The following THOP1 variants were observed in gnomAD, a reference collection of about 807,000 sequenced individuals.
THOP1 encodes the protein thimet oligopeptidase 1.
In THOP1, 49 loss-of-function variants were observed where a neutral mutation model predicts 71.8. That is an observed-to-expected ratio of 0.68 (90% CI 0.54 to 0.87). The LOEUF is 0.87. Ranked by LOEUF, THOP1 falls within the 40% of genes least tolerant of loss-of-function variation. The probability of loss-of-function intolerance (pLI) is 0.00; values close to 1 mark genes in which losing one functional copy is unlikely to be tolerated. For missense variants in THOP1, 843 were observed against 975.6 expected (o/e 0.86, Z 1.81); for synonymous variants, 426 against 421.5 (o/e 1.01, Z -0.13).
At chr19:2,812,638 G>A (rs1045990904) in intron 12 of THOP1, among the ~76,000 whole-genome samples, 8 of 152,216 alleles carry the variant, frequency 5.3e-5, no homozygotes, top group Admixed American at 1.3e-4. Context: ...TGCAGTCCGC[G>A]CAGGCTCCTG....
At chr19:2,812,105 A>G in intron 12 of THOP1, 3 of 1,375,038 alleles carry the variant, frequency 2.2e-6, no homozygotes, top group Non-Finnish European at 2.9e-6. Flanking sequence ...TCCTTCCGGG[A>G]TCTGCGTGAT....
chr19:2,811,620 C>T lies in THOP1; in HGVS notation c.1794C>T (p.Phe598=), dbSNP rs200952256. The change falls in exon 12 of 13, where the codon TTC becomes TTT. Residue 598 remains phenylalanine, a synonymous_variant. Coordinates refer to ENST00000307741, the MANE Select transcript of THOP1 (RefSeq NM_003249.5). ...CAGGAACCAACATGCCTGCAACCTT[C>T]GGCCATCTGGCAGGTGGCTACGACG... is the stretch of plus-strand genomic sequence containing the variant. ...ATPGTNMPAT[F]GHLAGGYDAQ... The T allele has an allele frequency of 2.4e-5, 38 of 1,613,052 alleles. No individual in the cohort carries two copies. In the Admixed American group the frequency reaches 4.0e-4, roughly 17 times the overall value.
At chr19:2,803,726 C>A (rs1916215818) in intron 5 of THOP1, among the ~76,000 whole-genome samples, 1 of 152,214 alleles carries the variant, frequency 6.6e-6, no homozygotes, top group African/African-American at 2.4e-5. Context: ...AATTGCCAGG[C>A]CCACGCTGGT....
At chr19:2,809,919 A>C in intron 9 of THOP1, 2 of 232,724 alleles carry the variant, frequency 8.6e-6, no homozygotes, top group Non-Finnish European at 1.7e-5. Flanking sequence ...CTTTTAGGGA[A>C]GGTTCCACAC....
In THOP1 at chr19:2,807,411, C is replaced by T. The variant is rs201370734; in HGVS notation, c.887-31C>T. 47 of 1,546,584 alleles carry T rather than the reference C, an allele frequency of 3.0e-5. 1 individual carries two copies. The highest frequency in any genetic ancestry group is 2.4e-4 in the Middle Eastern group (1 of 4,156). On this transcript the variant is annotated intron_variant, in intron 7 of 12. Transcript: ENST00000307741. ...CAGAGCCATGGAGGAGCCCGCGAGG[C>T]GAGAGGCCCACCTTTCTGCCCTCCC...
chr19:2,807,958 CAG>C (rs1916351742), intron 8 of THOP1, 150 bp downstream of exon 8: 3 of 982,354 alleles, frequency 3.1e-6, no homozygotes, highest in Non-Finnish European at 2.9e-6. Flanking sequence ...GGGCACACCA[CAG>C]GGGCCGAAAA....
At position 2,808,379 on chromosome 19, in the gene THOP1, C is replaced by T; in HGVS notation, c.1390C>T (p.Gln464Ter). 6.2e-7 allele frequency: 1 copy of T among 1,611,416 alleles called. No homozygotes were observed. The highest frequency in any genetic ancestry group is 8.5e-7 in the Non-Finnish European group (1 of 1,179,014). Residue 464 changes from glutamine to a stop codon, truncating the protein, a stop_gained, in exon 9 of 13, where the codon CAG becomes TAG. Coordinates refer to ENST00000307741, the MANE Select transcript of THOP1 (RefSeq NM_003249.5). LOFTEE classifies it high-confidence loss of function. ...KPTADAPSLL[Q>*]HDEVETYFHE... ...CACAGCCGACGCGCCCTCGCTGCTG[C>T]AGCATGACGAGGTGGAGACCTACTT...
At chr19:2,792,824 G>GT (rs34675623) in intron 2 of THOP1, among the ~76,000 whole-genome samples, 1 of 151,768 alleles carries the variant, frequency 6.6e-6, no homozygotes, top group Non-Finnish European at 1.5e-5. Context: ...TGGCTAATTT[G>GT]TTTTTTTAAA....
rs536050332 is a variant in THOP1 at position 2,804,257 on chromosome 19, G to A, written c.590-759G>A. The stretch of plus-strand genomic sequence containing the variant: ...CGCCCCCACTTCTCTTGAGGCTGTC[G>A]GGCAGGGGCCAGGTGGGAGGGTGTG... On this transcript the variant is annotated intron_variant, in intron 5 of 12. Coordinates refer to ENST00000307741, the MANE Select transcript of THOP1 (RefSeq NM_003249.5). The surrounding 1 kb of genome is among the most constrained non-coding windows in gnomAD (Gnocchi z 4.7). Among the ~76,000 whole-genome samples, 10 of 152,318 alleles carry A rather than the reference G, an allele frequency of 6.6e-5. No individual in the cohort carries two copies. In the South Asian group the frequency reaches 1.5e-3, roughly 22 times the overall value.
chr19:2,795,276 A>G (rs1228006176), intron 3 of THOP1, among the ~76,000 whole-genome samples: 1 of 152,174 alleles, frequency 6.6e-6, no homozygotes, highest in Non-Finnish European at 1.5e-5. Flanking sequence ...GTGCACTTTC[A>G]TTTCCTTTCC....
At position 2,813,088 on chromosome 19, in the gene THOP1, G is replaced by A. The variant is rs370348840; in HGVS notation, c.1909-27G>A. 6.4e-4 allele frequency: 1,012 copies of A among 1,589,620 alleles called. No homozygotes were observed. Among genetic ancestry groups the A allele is most frequent in the Non-Finnish European group, 8.3e-4 (962 of 1,165,326 alleles). ...TGCCTTCCTCCCTGGGTCCCCACCC[G>A]GCCACAGTGCCCTGTCTCCTCGGCA... is the stretch of plus-strand genomic sequence containing the variant. On this transcript the variant is annotated intron_variant, in intron 12 of 12. Transcript: ENST00000307741.
At chr19:2,808,734 C>T (rs1055480276) in intron 9 of THOP1, among the ~76,000 whole-genome samples, 1 of 152,218 alleles carries the variant, frequency 6.6e-6, no homozygotes, top group African/African-American at 2.4e-5. Context: ...CTCGAGGTCC[C>T]TCCTTGGCTT....
At chr19:2,788,384 A>G (rs1241843994) in intron 1 of THOP1, among the ~76,000 whole-genome samples, 1 of 152,196 alleles carries the variant, frequency 6.6e-6, no homozygotes, top group Non-Finnish European at 1.5e-5. Flanking sequence ...CCACTGTCCC[A>G]TCCCCTTCCT....
Position 2,810,418 on chromosome 19 carries a change from C to A in THOP1, c.1570C>A (p.His524Asn). ...EQEPLLRMSR[H>N]YRTGSAVPRE... ...GGAGCCGCTGCTGCGGATGTCGCGG[C>A]ACTACCGCACAGGCAGCGCCGTGCC... Residue 524 changes from histidine (H) to asparagine (N), a missense_variant, in exon 10 of 13, where the codon CAC becomes AAC. Physicochemically the swap from His to Asn is moderately conservative, Grantham distance 68. Coordinates refer to ENST00000307741, the MANE Select transcript of THOP1 (RefSeq NM_003249.5). 6.2e-7 allele frequency: 1 copy of A among 1,606,990 alleles called. No homozygotes were observed. The highest frequency in any genetic ancestry group is 1.7e-5 in the Admixed American group (1 of 59,174).
intron 1 of THOP1, among the ~76,000 whole-genome samples, chr19:2,788,829 C>G (rs1253851843): frequency 6.6e-6 from 1 of 152,112 alleles, no homozygotes; most frequent in Non-Finnish European, 1.5e-5. Context: ...GGTGCAATCT[C>G]AGTTCACTGC....
At chr19:2,799,537 C>T (rs1006198208) in intron 4 of THOP1, 152 bp from the exon 5 acceptor site, 2 of 612,800 alleles carry the variant, frequency 3.3e-6, no homozygotes, top group Non-Finnish European at 5.8e-6. Flanking sequence ...CTCCGCCTCC[C>T]GTCTCACTCT....
chr19:2,790,363 T>G, intron 1 of THOP1, 58 bp from the exon 2 acceptor site: 3 of 1,455,462 alleles, frequency 2.1e-6, no homozygotes, highest in Non-Finnish European at 2.7e-6. Flanking sequence ...CCTCCTGACT[T>G]TGACCCTAAC....
At chr19:2,812,345 G>T (rs1206398604) in intron 12 of THOP1, 1 of 1,532,838 alleles carries the variant, frequency 6.5e-7, no homozygotes, top group Non-Finnish European at 8.7e-7. Flanking sequence ...CCCTGCCTGG[G>T]TGCAACATTG....
intron 1 of THOP1, among the ~76,000 whole-genome samples, chr19:2,787,652 A>G (rs1480122831): frequency 6.6e-6 from 1 of 152,206 alleles, no homozygotes; most frequent in Non-Finnish European, 1.5e-5. Context: ...AATGACCTCA[A>G]CTGACCGACT....
Sources: gnomAD v4.1 joint callset for allele counts (sites outside exome capture counted in the v4.1 genomes callset) on GRCh38, gnomAD v4.1.1 for gene constraint, Gnocchi (gnomAD v3.1) non-coding constraint, MANE v1.5 for transcripts, NCBI Gene and HGNC (gene_info 2026-07-23, HGNC 2026-07-21) for gene names.